Variants in CTNND2 observed in about 807,000 individuals in gnomAD.
CTNND2 encodes catenin delta 2.
Under a neutral mutation model 144.4 loss-of-function variants are expected in CTNND2, and 22 were observed. The ratio of observed to expected loss-of-function variants is 0.15; its 90% confidence interval spans 0.11 to 0.22. The LOEUF (loss-of-function observed/expected upper bound fraction) is 0.22, where lower values mean the gene tolerates loss of function less well. Ranked by LOEUF, CTNND2 falls within the 10% of genes least tolerant of loss-of-function variation. The pLI, the probability that CTNND2 is intolerant of heterozygous loss-of-function variation, is 1.00. For missense variants in CTNND2, 1,353 were observed against 1,618.8 expected (o/e 0.84, Z 2.82); for synonymous variants, 751 against 695.6 (o/e 1.08, Z -1.25).
At chr5:11,298,549 C>G (rs1749253606) in intron 9 of CTNND2, among the ~76,000 whole-genome samples, 2 of 152,126 alleles carry the variant, frequency 1.3e-5, no homozygotes, top group South Asian at 2.1e-4. Flanking sequence ...TCTCCCAAAC[C>G]CTTTCTATTT....
intron 1 of CTNND2, among the ~76,000 whole-genome samples, chr5:11,878,358 G>A (rs1215795576): frequency 6.6e-6 from 1 of 152,032 alleles, no homozygotes; most frequent in Non-Finnish European, 1.5e-5. Context: ...AAAGTTTGCT[G>A]GCTTGTCTCT....
chr5:11,470,942 A>G (rs1213965129), intron 3 of CTNND2, among the ~76,000 whole-genome samples: 1 of 127,108 alleles, frequency 7.9e-6, no homozygotes, highest in East Asian at 2.3e-4. Context: ...TTTAGCTATT[A>G]TTTGATACAA....
At chr5:11,844,645 C>A (rs552275279) in intron 1 of CTNND2, among the ~76,000 whole-genome samples, 1 of 152,212 alleles carries the variant, frequency 6.6e-6, no homozygotes, top group South Asian at 2.1e-4. Context: ...CTAATGAATT[C>A]AGGGAGCACC....
At chr5:11,569,789 T>G (rs1358339680) in intron 2 of CTNND2, among the ~76,000 whole-genome samples, 1 of 152,134 alleles carries the variant, frequency 6.6e-6, no homozygotes, top group Admixed American at 6.6e-5. Flanking sequence ...CTGCCCAAGA[T>G]TCACATGTTG....
At chr5:11,287,020 C>T (rs559764982) in intron 9 of CTNND2, among the ~76,000 whole-genome samples, 3 of 152,298 alleles carry the variant, frequency 2.0e-5, no homozygotes, top group African/African-American at 7.2e-5. Context: ...TACATATACA[C>T]ACCCACATGG....
chr5:11,662,465 G>A (rs539778043), intron 2 of CTNND2, among the ~76,000 whole-genome samples: 1 of 152,022 alleles, frequency 6.6e-6, no homozygotes, highest in African/African-American at 2.4e-5. Context: ...GGAGAAAGAT[G>A]TAAGCTGGGA....
At chr5:11,821,739 TATAA>T (rs1793323230) in intron 1 of CTNND2, among the ~76,000 whole-genome samples, 1 of 152,196 alleles carries the variant, frequency 6.6e-6, no homozygotes, top group Non-Finnish European at 1.5e-5. Context: ...CTAAAATCAG[TATAA>T]GAGAGATTTA....
At position 11,226,140 on chromosome 5, in the gene CTNND2, A is replaced by G. The variant is rs556386608; in HGVS notation, c.1761+10551T>C. On this transcript the variant is annotated intron_variant, in intron 10 of 21. Transcript: ENST00000304623. ...CAGCATCGTGAGAGAACAGATTTCCATTGTTCCACATCTCTCAGTTTGTGG... is the reference window on the plus strand; with the variant it reads ...CAGCATCGTGAGAGAACAGATTTCCGTTGTTCCACATCTCTCAGTTTGTGG... 3.3e-5 allele frequency among the ~76,000 whole-genome samples: 5 copies of G among 152,276 alleles called. No individual in the cohort carries two copies. The East Asian group carries it at 5.8e-4, about 18-fold the overall frequency.
At chr5:11,772,177 A>G (rs1789986434) in intron 1 of CTNND2, among the ~76,000 whole-genome samples, 1 of 152,244 alleles carries the variant, frequency 6.6e-6, no homozygotes, top group Non-Finnish European at 1.5e-5. Flanking sequence ...AATCTTAATT[A>G]ATCTTAATTA....
At chr5:11,858,855 G>A (rs1449702401) in intron 1 of CTNND2, among the ~76,000 whole-genome samples, 2 of 152,162 alleles carry the variant, frequency 1.3e-5, no homozygotes, top group South Asian at 4.1e-4. Flanking sequence ...CGTGAACCTG[G>A]GAGGCGGAGC....
intron 12 of CTNND2, among the ~76,000 whole-genome samples, chr5:11,125,433 G>A (rs780554255): frequency 3.9e-5 from 6 of 152,244 alleles, no homozygotes; most frequent in Non-Finnish European, 7.3e-5. Context: ...GCGCTACTTA[G>A]CTGTGAAGGC....
intron 10 of CTNND2, among the ~76,000 whole-genome samples, chr5:11,219,135 T>A (rs1176585616): frequency 6.6e-6 from 1 of 152,214 alleles, no homozygotes; most frequent in African/African-American, 2.4e-5. Context: ...GCCATAAAAG[T>A]AGCCTCAGCA....
chr5:11,017,374 G>A (rs1006491475), intron 18 of CTNND2, among the ~76,000 whole-genome samples: 51 of 152,008 alleles, frequency 3.4e-4, no homozygotes, highest in African/African-American at 1.2e-3. Context: ...GAGCATCTTG[G>A]TGATCCACGT....
intron 6 of CTNND2, among the ~76,000 whole-genome samples, chr5:11,396,703 A>G (rs1365890315): frequency 1.3e-5 from 2 of 152,246 alleles, no homozygotes; most frequent in Non-Finnish European, 2.9e-5. Flanking sequence ...TTCAGAATGT[A>G]TATCATACTT....
At chr5:11,018,544 C>G (rs369676095) in intron 17 of CTNND2, among the ~76,000 whole-genome samples, 5 of 152,094 alleles carry the variant, frequency 3.3e-5, no homozygotes, top group Non-Finnish European at 2.9e-5. Context: ...AGGAAAAGTT[C>G]TTGAAGAAAA....
At chr5:11,240,591 GCACACACACCCAA>G (rs1217892711) in intron 9 of CTNND2, among the ~76,000 whole-genome samples, 1 of 58,338 alleles carries the variant, frequency 1.7e-5, no homozygotes, top group African/African-American at 6.8e-5. Flanking sequence ...CACATACTCA[GCACACACACCCAA>G]CACACACACC....
intron 3 of CTNND2, among the ~76,000 whole-genome samples, chr5:11,460,792 C>G (rs1225532587): frequency 6.6e-6 from 1 of 152,134 alleles, no homozygotes; most frequent in Non-Finnish European, 1.5e-5. Context: ...TGGCTCATGC[C>G]TGTAATCTCA....
intron 18 of CTNND2, among the ~76,000 whole-genome samples, chr5:10,998,090 C>T (rs1483873658): frequency 3.3e-5 from 5 of 152,156 alleles, no homozygotes; most frequent in Admixed American, 1.3e-4. Context: ...AAATTGCTTA[C>T]AAAGGAACTC....
At chr5:11,363,450 C>G (rs780649500) in intron 8 of CTNND2, among the ~76,000 whole-genome samples, 7 of 152,180 alleles carry the variant, frequency 4.6e-5, no homozygotes, top group Admixed American at 1.3e-4. Flanking sequence ...TAAAAACATG[C>G]AAACATTAAA....
Sources: gnomAD v4.1 joint callset for allele counts (sites outside exome capture counted in the v4.1 genomes callset) on GRCh38, gnomAD v4.1.1 for gene constraint, MANE v1.5 for transcripts, NCBI Gene and HGNC (gene_info 2026-07-23, HGNC 2026-07-21) for gene names.